The following EPHA3 variants were observed in gnomAD, a reference collection of about 807,000 sequenced individuals.
EPHA3 encodes EPH receptor A3, also known as ephrin type-A receptor 3.
Under a neutral mutation model 107.1 loss-of-function variants are expected in EPHA3, and 42 were observed. That is an observed-to-expected ratio of 0.39 (90% CI 0.31 to 0.51). The LOEUF is 0.51. Ranked by LOEUF, EPHA3 falls within the 20% of genes least tolerant of loss-of-function variation. The probability of loss-of-function intolerance (pLI) is 0.78; values close to 1 mark genes in which losing one functional copy is unlikely to be tolerated. For synonymous variants in EPHA3, 461 were observed against 424.8 expected, an observed-to-expected ratio of 1.09 and a Z score of -1.05; for missense variants, 1,183 against 1,211.2, an observed-to-expected ratio of 0.98 and a Z score of 0.35.
At chr3:89,377,803 C>A (rs1708429578) in intron 5 of EPHA3, among the ~76,000 whole-genome samples, 2 of 152,006 alleles carry the variant, frequency 1.3e-5, no homozygotes, top group Admixed American at 6.6e-5. Flanking sequence ...GCCAGCAACA[C>A]TTTATAATGC....
chr3:89,327,149 A>G (rs1232356652), intron 3 of EPHA3, among the ~76,000 whole-genome samples: 3 of 152,140 alleles, frequency 2.0e-5, no homozygotes, highest in African/African-American at 7.2e-5. Flanking sequence ...GTGGAGTTTT[A>G]AACACATGTA....
chr3:89,407,160 G>A (rs1709070386), intron 7 of EPHA3, 109 bp from the exon 8 acceptor site: 1 of 720,854 alleles, frequency 1.4e-6, no homozygotes. Context: ...CCATACTTCA[G>A]GTAAAAGTAG....
intron 5 of EPHA3, among the ~76,000 whole-genome samples, chr3:89,388,586 C>T (rs1328047241): frequency 1.3e-5 from 2 of 151,828 alleles, no homozygotes; most frequent in African/African-American, 4.8e-5. Flanking sequence ...ACACAAACAA[C>T]TGAAAAAAAG....
chr3:89,198,608 A>T (rs1027589135), intron 2 of EPHA3, among the ~76,000 whole-genome samples: 4 of 152,216 alleles, frequency 2.6e-5, no homozygotes, highest in African/African-American at 9.6e-5. Flanking sequence ...AACAGCTTAC[A>T]TTTCAGAGAA....
intron 2 of EPHA3, among the ~76,000 whole-genome samples, chr3:89,200,481 TG>T (rs1705944242): frequency 6.6e-6 from 1 of 152,198 alleles, no homozygotes; most frequent in African/African-American, 2.4e-5. Flanking sequence ...AAGTCTTGCC[TG>T]GGTCTTTGCC....
rs367563775 is a variant in EPHA3, at chr3:89,267,610, G to T, written c.814+57090G>T. Among the ~76,000 whole-genome samples, 3 of 152,204 alleles carry T rather than the reference G, an allele frequency of 2.0e-5. No homozygotes were observed. In the South Asian group the frequency reaches 6.2e-4, roughly 32 times the overall value. On this transcript the variant is annotated intron_variant, in intron 3 of 16. Transcript: ENST00000336596. ...TCACCATGGAGGAAGCTACATTAAA[G>T]GTAACGTCTTGGCAAGGAAATATTG...
At chr3:89,135,044 T>G (rs1422413518) in intron 2 of EPHA3, among the ~76,000 whole-genome samples, 1 of 152,226 alleles carries the variant, frequency 6.6e-6, no homozygotes, top group Admixed American at 6.5e-5. Flanking sequence ...CAATTACTTT[T>G]GCACCAACTT....
chr3:89,252,358 A>T (rs1278456915), intron 3 of EPHA3, among the ~76,000 whole-genome samples: 1 of 152,182 alleles, frequency 6.6e-6, no homozygotes, highest in African/African-American at 2.4e-5. Flanking sequence ...TGTTAAGAAA[A>T]ATTCTCAAGT....
At chr3:89,388,917 A>G (rs925784925) in intron 5 of EPHA3, among the ~76,000 whole-genome samples, 6 of 152,178 alleles carry the variant, frequency 3.9e-5, no homozygotes, top group African/African-American at 1.4e-4. Flanking sequence ...AATCATCAAA[A>G]TGTATAGAAA....
chr3:89,303,071 T>G (rs1488574080), intron 3 of EPHA3, among the ~76,000 whole-genome samples: 1 of 151,896 alleles, frequency 6.6e-6, no homozygotes, highest in Non-Finnish European at 1.5e-5. Context: ...TTTTTTCTAT[T>G]TTTTTGTAGA....
chr3:89,469,340 A>G (rs1009432924), intron 15 of EPHA3, among the ~76,000 whole-genome samples: 4 of 151,740 alleles, frequency 2.6e-5, no homozygotes, highest in Non-Finnish European at 5.9e-5. Context: ...CAATGTTGCA[A>G]TTTTTTTTTC....
At chr3:89,306,897 G>A (rs1706637448) in intron 3 of EPHA3, among the ~76,000 whole-genome samples, 1 of 151,988 alleles carries the variant, frequency 6.6e-6, no homozygotes, top group South Asian at 2.1e-4. Context: ...CACCTTTCAT[G>A]GTTTCTTTGG....
At chr3:89,398,150 A>G (rs1385670992) in intron 6 of EPHA3, among the ~76,000 whole-genome samples, 1 of 152,184 alleles carries the variant, frequency 6.6e-6, no homozygotes. Flanking sequence ...GATTAACAGT[A>G]TATGTAATGT....
intron 3 of EPHA3, among the ~76,000 whole-genome samples, chr3:89,233,377 A>AGT (rs1327757260): frequency 6.6e-6 from 1 of 152,044 alleles, no homozygotes; most frequent in East Asian, 1.9e-4. Context: ...GCATTGAACT[A>AGT]GTGTGCGTAA....
chr3:89,443,927 G>T (rs1019448787), intron 13 of EPHA3, among the ~76,000 whole-genome samples: 1 of 152,078 alleles, frequency 6.6e-6, no homozygotes, highest in Non-Finnish European at 1.5e-5. Context: ...AGGAAAAAAA[G>T]CCTCCCAAAA....
chr3:89,409,658 T>C (rs1297905850), intron 9 of EPHA3, among the ~76,000 whole-genome samples: 3 of 152,064 alleles, frequency 2.0e-5, no homozygotes, highest in Non-Finnish European at 4.4e-5. Context: ...AGGCATAAAG[T>C]AACTTATATG....
intron 3 of EPHA3, among the ~76,000 whole-genome samples, chr3:89,219,007 C>T (rs1704285289): frequency 6.6e-6 from 1 of 152,032 alleles, no homozygotes; most frequent in African/African-American, 2.4e-5. Flanking sequence ...GGCAAGTATC[C>T]TATTCATAAG....
At chr3:89,451,945 A>G (rs1051668970) in intron 15 of EPHA3, among the ~76,000 whole-genome samples, 1 of 151,732 alleles carries the variant, frequency 6.6e-6, no homozygotes, top group African/African-American at 2.4e-5. Flanking sequence ...ATGTAGGTAC[A>G]TTACAAGTTT....
intron 15 of EPHA3, among the ~76,000 whole-genome samples, chr3:89,453,559 G>A (rs1423301703): frequency 6.6e-6 from 1 of 151,908 alleles, no homozygotes; most frequent in African/African-American, 2.4e-5. Flanking sequence ...AAACATTTGG[G>A]CAATTATATT....
Sources: gnomAD v4.1 joint callset for allele counts (sites outside exome capture counted in the v4.1 genomes callset) on GRCh38, gnomAD v4.1.1 for gene constraint, MANE v1.5 for transcripts, NCBI Gene and HGNC (gene_info 2026-07-23, HGNC 2026-07-21) for gene names.